Variants in UTP20 observed in about 807,000 individuals in gnomAD.
UTP20 encodes small subunit processome component 20 homolog.
A neutral mutation model predicts 329.5 loss-of-function variants in UTP20; 164 were observed. That is an observed-to-expected ratio of 0.50 (90% CI 0.44 to 0.57). The LOEUF is 0.57. UTP20 is among the 20% of genes least tolerant of loss of function. The pLI, the probability that UTP20 is intolerant of heterozygous loss-of-function variation, is 0.00. For synonymous variants in UTP20, 1,151 were observed against 1,159.3 expected, an observed-to-expected ratio of 0.99 and a Z score of 0.14; for missense variants, 3,055 against 3,284.2, an observed-to-expected ratio of 0.93 and a Z score of 1.71.
chr12:101,342,304 T>C (rs1869166437), intron 32 of UTP20, 142 bp from the exon 33 acceptor site: 2 of 682,114 alleles, frequency 2.9e-6, no homozygotes, highest in East Asian at 6.2e-5. Context: ...CTAAAAACTT[T>C]TAAAAGACGA....
In UTP20 at chr12:101,373,479, ACCCCAGAGATAAG is replaced by A; in HGVS notation, c.6948+14_6948+26del. The A allele has an allele frequency of 6.2e-7, 1 of 1,614,114 alleles. No homozygotes were observed. The highest frequency in any genetic ancestry group is 8.5e-7 in the Non-Finnish European group (1 of 1,179,992). Reference sequence around the variant, plus strand: ...TTGACACGTTCCCTCAGGTACTGTGACCCCAGAGATAAGCCCCGTGACTCCTGGAAGTCCTCAG... The same window carrying A: ...TTGACACGTTCCCTCAGGTACTGTGACCCCGTGACTCCTGGAAGTCCTCAG... On this transcript the variant is annotated intron_variant, in intron 53 of 61. Coordinates refer to ENST00000261637, the MANE Select transcript of UTP20 (RefSeq NM_014503.3).
chr12:101,280,319 A>G lies in UTP20; in HGVS notation c.37A>G (p.Thr13Ala). 1.9e-6 allele frequency: 3 copies of G among 1,551,664 alleles called. No homozygotes were observed. Among genetic ancestry groups the G allele is most frequent in the Middle Eastern group, 1.7e-4 (1 of 5,990 alleles). The part of the protein sequence containing the change: ...TKPVSHKTEN[T>A]YRFLTFAERL... ...GCCCGTTTCCCACAAGACCGAGAAC[A>G]CCTACCGGGTGAGCGCGGGAGCTTA... The change falls in exon 1 of 62, where the codon ACC (threonine) becomes GCC (alanine). Residue 13 changes from threonine (T) to alanine (A), a missense_variant. Physicochemically the swap from Thr to Ala is moderately conservative, Grantham distance 58 (BLOSUM62 0). Coordinates refer to ENST00000261637, the MANE Select transcript of UTP20 (RefSeq NM_014503.3).
chr12:101,375,336 A>G (rs1263256693), intron 55 of UTP20, among the ~76,000 whole-genome samples: 1 of 152,162 alleles, frequency 6.6e-6, no homozygotes, highest in Non-Finnish European at 1.5e-5. Flanking sequence ...TTCTCAACTC[A>G]GGCGATTTTA....
chr12:101,349,253 A>G (rs1869437548), intron 38 of UTP20, among the ~76,000 whole-genome samples: 1 of 151,148 alleles, frequency 6.6e-6, no homozygotes, highest in South Asian at 2.1e-4. Flanking sequence ...TTTTTTCTTA[A>G]CTGCTTTTAA....
In UTP20 at chr12:101,285,959, T is replaced by C. The variant is rs548513549; in HGVS notation, c.326+78T>C. On this transcript the variant is annotated intron_variant, in intron 4 of 61. Transcript: ENST00000261637. ...AAAGATTGTGTTTCAAAGCTACATA[T>C]ACCGCAGATCAGGTGCTCATAATTT... 3.0e-4 allele frequency: 465 copies of C among 1,552,158 alleles called. No homozygotes were observed. The African/African-American group carries it at 5.2e-3, about 17-fold the overall frequency.
rs1870726768 is a variant in UTP20 at position 101,383,582 on chromosome 12, G to C, written c.7969G>C (p.Asp2657His). 2 of 1,613,596 alleles carry C rather than the reference G, an allele frequency of 1.2e-6. No individual in the cohort carries two copies. The highest frequency in any genetic ancestry group is 1.3e-5 in the African/African-American group (1 of 74,834). ...TAAGTTCCTCGGCGCCGTAGCAATG[G>C]ATCTTGGGATAGACAAGGTAAAGCC... ...IFKFLGAVAM[D>H]LGIDKVKPYL... is the part of the protein sequence containing the mutation. The change falls in exon 60 of 62, where the codon GAT becomes CAT. Residue 2657 changes from aspartate to histidine, a missense_variant. Asp to His is a moderately conservative substitution (Grantham distance 81). This residue lies in a region of UTP20 where 337 missense variants were observed against 345.5 expected (regional missense o/e 0.98). Coordinates refer to ENST00000261637, the MANE Select transcript of UTP20 (RefSeq NM_014503.3).
intron 5 of UTP20, 106 bp downstream of exon 5, chr12:101,286,615 A>G (rs1208645392): frequency 3.2e-6 from 3 of 949,516 alleles, no homozygotes; most frequent in African/African-American, 3.4e-5. Context: ...AATTGTTTCC[A>G]TGTACAAAGT....
At chr12:101,289,201 AC>A (rs1288332150) in intron 6 of UTP20, among the ~76,000 whole-genome samples, 160 bp downstream of exon 6, 3 of 151,996 alleles carry the variant, frequency 2.0e-5, no homozygotes, top group East Asian at 3.9e-4. Flanking sequence ...ACATGGCAAA[AC>A]CCCGTCTCTA....
At chr12:101,321,469 A>G (rs751089184) in intron 24 of UTP20, 35 bp from the exon 25 acceptor site, 2 of 1,608,642 alleles carry the variant, frequency 1.2e-6, no homozygotes, top group Non-Finnish European at 1.7e-6. Flanking sequence ...CACTGTTGAT[A>G]AAGTGGTGAT....
intron 30 of UTP20, 37 bp downstream of exon 30, chr12:101,338,314 C>T: frequency 6.3e-7 from 1 of 1,595,740 alleles, no homozygotes; most frequent in East Asian, 2.2e-5. Context: ...TCTTAGACTT[C>T]TGCTGTAGCA....
At position 101,381,221 on chromosome 12, in the gene UTP20, G is replaced by A. The variant is rs772597346; in HGVS notation, c.7656+10G>A. ...GTCTCTAGGAGAACAGGTAAGAATT[G>A]TAGTTCTCCCAGTTTAAAAGAAGGG... On this transcript the variant is annotated intron_variant, in intron 58 of 61. Transcript: ENST00000261637. 4 of 1,609,242 alleles carry A rather than the reference G, an allele frequency of 2.5e-6. No homozygotes were observed. The highest frequency in any genetic ancestry group is 2.2e-5 in the East Asian group (1 of 44,846).
chr12:101,352,604 T>C (rs1214857718), intron 39 of UTP20, among the ~76,000 whole-genome samples: 1 of 146,286 alleles, frequency 6.8e-6, no homozygotes, highest in Non-Finnish European at 1.5e-5. Flanking sequence ...TAGGTGGGAA[T>C]TGAACAATGA....
Position 101,350,845 on chromosome 12 carries a change from G to A in UTP20, c.4885-1210G>A, listed in dbSNP as rs934566172. On this transcript the variant is annotated intron_variant, in intron 38 of 61. Coordinates refer to ENST00000261637, the MANE Select transcript of UTP20 (RefSeq NM_014503.3). ...CACGCTTACTGCTCAGTACTCAGCC[G>A]AAGACTCTAGGGGCTTGCTCTGTGC... 3.9e-5 allele frequency among the ~76,000 whole-genome samples: 6 copies of A among 152,166 alleles called. No individual in the cohort carries two copies. The East Asian group carries it at 7.7e-4, about 20-fold the overall frequency.
rs143153802 is a variant in UTP20, at chr12:101,365,513, C to G, written c.6013C>G (p.Arg2005Gly). The G allele has an allele frequency of 1.9e-6, 3 of 1,612,146 alleles. No homozygotes were observed. Among genetic ancestry groups the G allele is most frequent in the Non-Finnish European group, 2.5e-6 (3 of 1,179,398 alleles). The change falls in exon 46 of 62, where the codon CGC becomes GGC. Residue 2005 changes from arginine to glycine, a missense_variant. By Grantham distance (125) the Arg-to-Gly change is moderately radical. This residue lies in a region of UTP20 where 2,445 missense variants were observed against 2,575.5 expected (regional missense o/e 0.95). Transcript: ENST00000261637. ...KLARKVHETL[R>G]RITVGLIVNQ... ...GGCCCGGAAAGTTCATGAAACTTTA[C>G]GCCGAATCACAGTGGGATTAATTGT...
chr12:101,369,596 G>A (rs1218686477), intron 48 of UTP20, 125 bp from the exon 49 acceptor site: 2 of 584,768 alleles, frequency 3.4e-6, no homozygotes, highest in Admixed American at 2.6e-5. Context: ...TTCTTCCAGA[G>A]TGGGCTGCGC....
Position 101,295,477 on chromosome 12 carries a change from T to C in UTP20, c.1252-3T>C, listed in dbSNP as rs542575505. The C allele has an allele frequency of 8.3e-6, 13 of 1,566,190 alleles. No individual in the cohort carries two copies. In the African/African-American group the frequency reaches 1.6e-4, roughly 20 times the overall value. On this transcript the variant is annotated splice_region_variant and splice_polypyrimidine_tract_variant and intron_variant, in intron 11 of 61. Transcript: ENST00000261637. ...AGTGTGATTTTTTTTTTCTTAACTT[T>C]AGCTTTTTCTACCAAGCTTTCTGTC...
Position 101,291,978 on chromosome 12 carries a change from T to G in UTP20, c.1047T>G (p.Ser349=). Residue 349 remains serine, a synonymous_variant, in exon 10 of 62, where the codon TCT becomes TCG. Transcript: ENST00000261637. The part of the protein sequence containing the change: ...PTPADVCKVL[S]QTLQVASLST... ...GTTTTTTCTTTTTGCAGGTGTTATC[T>G]CAAACACTGCAAGTAGCCAGTCTCT... The G allele has an allele frequency of 6.2e-7, 1 of 1,612,762 alleles. No individual in the cohort carries two copies. The highest frequency in any genetic ancestry group is 8.5e-7 in the Non-Finnish European group (1 of 1,179,600).
intron 57 of UTP20, among the ~76,000 whole-genome samples, chr12:101,380,863 TAAAAAAAAAAAA>T (rs35235306): frequency 8.7e-6 from 1 of 115,150 alleles, no homozygotes; most frequent in East Asian, 2.6e-4. Flanking sequence ...GACTCTGTCT[TAAAAAAAAAAAA>T]AAAAAAAAAA....
intron 26 of UTP20, among the ~76,000 whole-genome samples, chr12:101,328,936 T>G (rs1439845429): frequency 2.6e-5 from 4 of 151,968 alleles, no homozygotes; most frequent in Admixed American, 6.6e-5. Flanking sequence ...TGAGGGATAG[T>G]GTAAAGAAAT....
Sources: gnomAD v4.1 joint callset for allele counts (sites outside exome capture counted in the v4.1 genomes callset) on GRCh38, gnomAD v4.1.1 for gene constraint, gnomAD v4.1.1 regional missense constraint, MANE v1.5 for transcripts, NCBI Gene and HGNC (gene_info 2026-07-23, HGNC 2026-07-21) for gene names.